The following ZNF800 variants were observed in gnomAD, a reference collection of about 807,000 sequenced individuals.
The protein encoded by ZNF800 is zinc finger protein 800.
In ZNF800, 13 loss-of-function variants were observed where a neutral mutation model predicts 59.5. The observed-to-expected ratio is 0.22, with a 90% CI of 0.14 to 0.35. The LOEUF (loss-of-function observed/expected upper bound fraction) is 0.35. Ranked by LOEUF, ZNF800 falls within the 10% of genes least tolerant of loss-of-function variation. The pLI is 1.00. For missense variants in ZNF800, 621 were observed against 783.7 expected (o/e 0.79, Z 2.48); for synonymous variants, 266 against 265.7 (o/e 1.00, Z -0.01).
intron 2 of ZNF800, among the ~76,000 whole-genome samples, chr7:127,387,615 C>T (rs35740768): frequency 0.01 from 1,551 of 152,240 alleles, 14 homozygotes; most frequent in Non-Finnish European, 0.013. Flanking sequence ...AATCCCAGCA[C>T]TTTGGGAGGC....
intron 3 of ZNF800, among the ~76,000 whole-genome samples, chr7:127,383,224 T>C (rs1801023714): frequency 6.6e-6 from 1 of 152,158 alleles, no homozygotes; most frequent in Non-Finnish European, 1.5e-5. Flanking sequence ...AATTAATACC[T>C]GGTCATAGAC....
intron 3 of ZNF800, among the ~76,000 whole-genome samples, chr7:127,384,227 CT>C (rs577977623): frequency 0.011 from 720 of 63,326 alleles, 10 homozygotes; most frequent in African/African-American, 0.049. Flanking sequence ...ATTCTAACTT[CT>C]TTTTTTTTTT....
chr7:127,357,602 C>T (rs539535881), intron 1 of ZNF800, among the ~76,000 whole-genome samples: 1 of 151,950 alleles, frequency 6.6e-6, no homozygotes, highest in Non-Finnish European at 1.5e-5. Context: ...TGGGACTCAA[C>T]AAATAAATCT....
chr7:127,390,341 C>T (rs1042903845), intron 2 of ZNF800, among the ~76,000 whole-genome samples: 2 of 152,088 alleles, frequency 1.3e-5, no homozygotes, highest in African/African-American at 2.4e-5. Flanking sequence ...GAAAGTTAAA[C>T]AGGTCAAGAG....
chr7:127,344,679 T>A (rs1238175846), downstream of ZNF800, among the ~76,000 whole-genome samples: 2 of 152,000 alleles, frequency 1.3e-5, no homozygotes, highest in Non-Finnish European at 2.9e-5. Context: ...TATAAAAAAA[T>A]TAAACAAACA....
In ZNF800 at chr7:127,377,450, C is replaced by T. The variant is rs1800819439; in HGVS notation, c.158-121G>A. 5.7e-6 allele frequency: 4 copies of T among 700,936 alleles called. No individual in the cohort carries two copies. The highest frequency in any genetic ancestry group is 2.2e-5 in the South Asian group (1 of 45,188). 43.4% of individuals were successfully genotyped at this position (700,936 alleles called of 1,614,324 possible). On this transcript the variant is annotated intron_variant, in intron 3 of 5. Transcript: ENST00000265827. The surrounding 1 kb of genome is among the most constrained non-coding windows in gnomAD (Gnocchi z 4.7). Reference sequence around the variant, plus strand: ...TTACTCTTTGAAAACAAAATATAGGCATTGCCAATTTCCACCACAGTATAT... The same window carrying T: ...TTACTCTTTGAAAACAAAATATAGGTATTGCCAATTTCCACCACAGTATAT...
chr7:127,392,000 C>T (rs1048175992), intron 1 of ZNF800, 60 bp downstream of exon 1: 5 of 385,298 alleles, frequency 1.3e-5, no homozygotes, highest in South Asian at 1.4e-4. Flanking sequence ...CCGCTACGCA[C>T]GTGCGTTGGG....
chr7:127,350,180 A>C (rs1800144739), intron 1 of ZNF800: 1 of 152,132 alleles, frequency 6.6e-6, no homozygotes, highest in Non-Finnish European at 1.5e-5. Flanking sequence ...AAATCGATAG[A>C]GATTCTGACT....
intron 1 of ZNF800, chr7:127,361,433 T>A (rs1253845057): frequency 6.6e-6 from 1 of 151,646 alleles, no homozygotes; most frequent in African/African-American, 2.4e-5. Context: ...ATAATAAAAA[T>A]TAGCAAGGTG....
At chr7:127,358,488 C>T (rs1800319680) in intron 1 of ZNF800, among the ~76,000 whole-genome samples, 1 of 151,942 alleles carries the variant, frequency 6.6e-6, no homozygotes, top group Non-Finnish European at 1.5e-5. Context: ...ATTATATGTC[C>T]CTGTTTATAA....
intron 2 of ZNF800, 51 bp downstream of exon 2, chr7:127,391,446 C>T: frequency 1.3e-6 from 2 of 1,562,986 alleles, no homozygotes; most frequent in Non-Finnish European, 1.8e-6. Flanking sequence ...AAAGAGAAGG[C>T]AGAGTGGCTC....
At chr7:127,344,220 A>T (rs1450831452), downstream of ZNF800, among the ~76,000 whole-genome samples, 2 of 152,066 alleles carry the variant, frequency 1.3e-5, no homozygotes, top group Non-Finnish European at 2.9e-5. Flanking sequence ...TCAAACACAA[A>T]AATAAATAGC....
chr7:127,343,384 G>GA (rs1421281787), downstream of ZNF800, among the ~76,000 whole-genome samples: 1 of 151,348 alleles, frequency 6.6e-6, no homozygotes, highest in African/African-American at 2.4e-5. Flanking sequence ...GAGATACAGA[G>GA]AAAAATATTT....
chr7:127,391,638 G>A lies in ZNF800; in HGVS notation c.-58-23C>T. On this transcript the variant is annotated intron_variant, in intron 1 of 5. Transcript: ENST00000265827. ...TGGCTGTTGAAAGAAGCACAAACCC[G>A]TCACTCGCCCTGAACTTCCTGGGGG... The A allele has an allele frequency of 4.5e-6, 6 of 1,330,610 alleles. No homozygotes were observed. In the South Asian group the frequency reaches 7.1e-5, roughly 16 times the overall value. 82.4% of individuals were successfully genotyped at this position (1,330,610 alleles called of 1,614,324 possible).
At chr7:127,349,647 C>T (rs550896467) in intron 1 of ZNF800, among the ~76,000 whole-genome samples, 2 of 152,278 alleles carry the variant, frequency 1.3e-5, no homozygotes, top group Admixed American at 1.3e-4. Flanking sequence ...TGGAAGCATA[C>T]TTTTGGTAAA....
At chr7:127,349,689 G>T (rs1376996459) in intron 1 of ZNF800, 1 of 152,186 alleles carries the variant, frequency 6.6e-6, no homozygotes, top group Admixed American at 6.5e-5. Context: ...TGTCCAAAGA[G>T]AATAAATCCT....
chr7:127,369,165 G>A (rs1800575923), downstream of ZNF800, among the ~76,000 whole-genome samples: 1 of 152,086 alleles, frequency 6.6e-6, no homozygotes, highest in African/African-American at 2.4e-5. Context: ...ACCTACGCCT[G>A]TTGTTTCTCC....
At chr7:127,353,210 T>C (rs892798760) in intron 1 of ZNF800, among the ~76,000 whole-genome samples, 4 of 152,174 alleles carry the variant, frequency 2.6e-5, no homozygotes, top group Admixed American at 1.3e-4. Flanking sequence ...TACTTAGGGG[T>C]GTTGTTTCCT....
chr7:127,354,438 C>T (rs996010561), intron 1 of ZNF800, among the ~76,000 whole-genome samples: 3 of 151,572 alleles, frequency 2.0e-5, no homozygotes, highest in Non-Finnish European at 4.4e-5. Context: ...GACCAAGGAA[C>T]AAAAAAATCC....
Sources: gnomAD v4.1 joint callset for allele counts (sites outside exome capture counted in the v4.1 genomes callset) on GRCh38, gnomAD v4.1.1 for gene constraint, Gnocchi (gnomAD v3.1) non-coding constraint, MANE v1.5 for transcripts, NCBI Gene and HGNC (gene_info 2026-07-23, HGNC 2026-07-21) for gene names.